COL19A1: variants seen among roughly 807,000 people sequenced by gnomAD.
COL19A1 encodes collagen type XIX alpha 1 chain, also known as collagen alpha-1(XIX) chain.
In COL19A1, 159 loss-of-function variants were observed where a neutral mutation model predicts 190.2. The observed-to-expected ratio is 0.84, with a 90% CI of 0.73 to 0.95. COL19A1 has a LOEUF of 0.95. Ranked by LOEUF, COL19A1 falls within the 40% of genes least tolerant of loss-of-function variation. COL19A1 has a pLI of 0.00. For synonymous variants in COL19A1, 509 were observed against 458.9 expected (o/e 1.11, Z -1.39); for missense variants, 1,418 against 1,431.9 (o/e 0.99, Z 0.16).
At chr6:70,176,771 C>G (rs1044090066) in intron 42 of COL19A1, among the ~76,000 whole-genome samples, 1 of 152,192 alleles carries the variant, frequency 6.6e-6, no homozygotes, top group Non-Finnish European at 1.5e-5. Flanking sequence ...TGTTTTTTGT[C>G]CTCTTTTATT....
At chr6:70,161,669 C>T (rs1257183974) in intron 34 of COL19A1, among the ~76,000 whole-genome samples, 1 of 152,018 alleles carries the variant, frequency 6.6e-6, no homozygotes, top group Non-Finnish European at 1.5e-5. Context: ...CAGACTTCAC[C>T]ATTATACAAT....
intron 15 of COL19A1, among the ~76,000 whole-genome samples, chr6:70,072,590 CT>C (rs1781622770): frequency 6.6e-6 from 1 of 152,130 alleles, no homozygotes; most frequent in Non-Finnish European, 1.5e-5. Flanking sequence ...TGTGCCTGTC[CT>C]TTTTCCCCTC....
intron 11 of COL19A1, among the ~76,000 whole-genome samples, chr6:69,989,553 CTTTTTT>C (rs3072698): frequency 7.9e-6 from 1 of 126,354 alleles, no homozygotes; most frequent in East Asian, 2.3e-4. Context: ...GAGTTTTTTA[CTTTTTT>C]TTTTTTTTTT....
chr6:70,146,814 T>C lies in COL19A1; in HGVS notation c.1818T>C (p.Gly606=). 6.3e-7 allele frequency: 1 copy of C among 1,596,244 alleles called. No individual in the cohort carries two copies. The highest frequency in any genetic ancestry group is 8.5e-7 in the Non-Finnish European group (1 of 1,172,866). Residue 606 remains glycine (G), a splice_region_variant and synonymous_variant, in exon 27 of 51, where the codon GGT becomes GGC. Transcript: ENST00000620364. ...AACAGAAGCCTTTCATTTCACAGGG[T>C]GAAAGAGGACTTCCAGGTGTTCACG... The part of the protein sequence containing the change: ...PGAPGPRGPK[G]ERGLPGVHGS...
intron 4 of COL19A1, among the ~76,000 whole-genome samples, chr6:69,921,532 ATG>A (rs1267675241): frequency 1.3e-4 from 5 of 38,590 alleles, no homozygotes; most frequent in Admixed American, 2.8e-4. Context: ...ATATATATTC[ATG>A]TATATTCATA....
chr6:69,919,573 A>T (rs1332152429), intron 4 of COL19A1, among the ~76,000 whole-genome samples: 2 of 152,242 alleles, frequency 1.3e-5, no homozygotes, highest in East Asian at 3.9e-4. Context: ...ACCAGAAAAA[A>T]AATTTTCATT....
intron 12 of COL19A1, among the ~76,000 whole-genome samples, chr6:70,030,537 A>G (rs1190433844): frequency 6.6e-6 from 1 of 152,134 alleles, no homozygotes; most frequent in African/African-American, 2.4e-5. Flanking sequence ...TATGTTTCAC[A>G]CTTACACATT....
Position 70,032,025 on chromosome 6 carries a change from A to G in COL19A1, c.1081-2220A>G, listed in dbSNP as rs12215651. Among the ~76,000 whole-genome samples, 577 of 152,318 alleles carry G rather than the reference A, an allele frequency of 3.8e-3. 5 individuals carry two copies. The highest frequency in any genetic ancestry group is 7.1e-3 in the Admixed American group (109 of 15,284). ...GCAATAAGGGAGACAGATCAGGTTC[A>G]ACTCTAACTACAACAAGGACAGGTG... On this transcript the variant is annotated intron_variant, in intron 12 of 50. Transcript: ENST00000620364.
intron 25 of COL19A1, 93 bp from the exon 26 acceptor site, chr6:70,146,566 A>G (rs1786661565): frequency 1.1e-6 from 1 of 890,058 alleles, no homozygotes; most frequent in Non-Finnish European, 1.7e-6. Context: ...TTCAAGCAAG[A>G]TGAAGAGTGA....
At chr6:70,030,536 C>T (rs555973942) in intron 12 of COL19A1, among the ~76,000 whole-genome samples, 41 of 152,226 alleles carry the variant, frequency 2.7e-4, no homozygotes, top group African/African-American at 7.7e-4. Context: ...TTATGTTTCA[C>T]ACTTACACAT....
At chr6:70,200,627 T>C (rs903688393) in intron 49 of COL19A1, among the ~76,000 whole-genome samples, 2 of 152,194 alleles carry the variant, frequency 1.3e-5, no homozygotes, top group Admixed American at 6.5e-5. Context: ...AAGAATGCAG[T>C]CCAAAATAAT....
intron 18 of COL19A1, among the ~76,000 whole-genome samples, 191 bp downstream of exon 18, chr6:70,130,414 CAG>C (rs1366013622): frequency 6.6e-6 from 1 of 152,130 alleles, no homozygotes. Flanking sequence ...TTAGTAGAGA[CAG>C]AGTTTCACCA....
chr6:69,961,744 A>G lies in COL19A1; in HGVS notation c.982-1082A>G, dbSNP rs117355894. On this transcript the variant is annotated intron_variant, in intron 10 of 50. Coordinates refer to ENST00000620364, the MANE Select transcript of COL19A1 (RefSeq NM_001858.6). ...ATATATTATTTAATCATCTAATTAT[A>G]TTATCTAATTATGTATACTATTTAA... is the stretch of plus-strand genomic sequence containing the variant. 5.5e-3 allele frequency among the ~76,000 whole-genome samples: 836 copies of G among 152,076 alleles called. 19 individuals are homozygous for G. In the East Asian group the frequency reaches 0.069, roughly 12 times the overall value.
At chr6:70,008,570 G>T (rs1030471954) in intron 11 of COL19A1, among the ~76,000 whole-genome samples, 1 of 151,834 alleles carries the variant, frequency 6.6e-6, no homozygotes, top group Non-Finnish European at 1.5e-5. Flanking sequence ...AAAAAGCTTA[G>T]ATTCAGATGT....
chr6:69,982,863 T>A (rs971210092), intron 11 of COL19A1, among the ~76,000 whole-genome samples: 1 of 151,414 alleles, frequency 6.6e-6, no homozygotes, highest in Non-Finnish European at 1.5e-5. Flanking sequence ...TCCCAGCTAC[T>A]CAGGAGGCTG....
chr6:70,166,259 C>T (rs1463072738), intron 37 of COL19A1, among the ~76,000 whole-genome samples: 1 of 152,144 alleles, frequency 6.6e-6, no homozygotes, highest in Non-Finnish European at 1.5e-5. Flanking sequence ...CTTCCTGGCT[C>T]GGGGCCCCTG....
rs139444743 is a variant in COL19A1, at chr6:69,996,989, G to A, written c.1027-26638G>A. Among the ~76,000 whole-genome samples, 825 of 136,424 alleles carry A rather than the reference G, an allele frequency of 6.0e-3. 11 individuals carry two copies. Among genetic ancestry groups the A allele is most frequent in the African/African-American group, 0.025 (778 of 31,610 alleles). The allele number at this position is 136,424 out of a possible 152,430, so 89.5% of individuals were successfully genotyped here. On this transcript the variant is annotated intron_variant, in intron 11 of 50. Transcript: ENST00000620364. Reference sequence around the variant, plus strand: ...TATGTGTACATATATGTATGTGTACGTATGTGTGTGTGTGTTTATATATAC... The same window carrying A: ...TATGTGTACATATATGTATGTGTACATATGTGTGTGTGTGTTTATATATAC...
intron 20 of COL19A1, among the ~76,000 whole-genome samples, chr6:70,141,396 C>A (rs550358825): frequency 1.7e-4 from 26 of 152,064 alleles, no homozygotes; most frequent in African/African-American, 5.5e-4. Context: ...ATTTAAAAAG[C>A]AAACTTATTA....
intron 2 of COL19A1, among the ~76,000 whole-genome samples, chr6:69,887,150 T>G (rs1244630263): frequency 1.3e-5 from 2 of 152,208 alleles, no homozygotes; most frequent in Non-Finnish European, 2.9e-5. Flanking sequence ...AAATAAGATA[T>G]ATACTGTTTC....
Sources: allele counts gnomAD v4.1 joint callset (sites outside exome capture counted in the v4.1 genomes callset), GRCh38; gene constraint gnomAD v4.1.1; transcripts MANE v1.5; gene names NCBI Gene and HGNC (gene_info 2026-07-23, HGNC 2026-07-21).